The following BCL11B variants were observed in gnomAD, a reference collection of about 807,000 sequenced individuals.
BCL11B encodes the protein BCL11 transcription factor B.
In BCL11B, 8 loss-of-function variants were observed where a neutral mutation model predicts 49.9. The ratio of observed to expected loss-of-function variants is 0.16; its 90% CI spans 0.09 to 0.29. The LOEUF (loss-of-function observed/expected upper bound fraction) is 0.29. BCL11B is among the 10% of genes least tolerant of loss of function. BCL11B has a pLI of 1.00. For synonymous variants in BCL11B, 739 were observed against 637.4 expected, an observed-to-expected ratio of 1.16 and a Z score of -2.40; for missense variants, 1,006 against 1,351.0, an observed-to-expected ratio of 0.74 and a Z score of 4.00.
At position 99,205,718 on chromosome 14, in the gene BCL11B, C is replaced by T. The variant is rs1595244711; in HGVS notation, c.640+25627G>A. ...AGAGTACGTGGTAAGGAGCAGAATT[C>T]CCAGAAAGTTCTGTTCCCACATTTT... On this transcript the variant is annotated intron_variant, in intron 3 of 3. Transcript: ENST00000357195. This position sits in a 1 kb window ranked among gnomAD's most constrained non-coding sequence, Gnocchi z 5.0. Among the ~76,000 whole-genome samples, 1 of 152,240 alleles carries T rather than the reference C, an allele frequency of 6.6e-6. No individual in the cohort carries two copies. Among genetic ancestry groups the T allele is most frequent in the East Asian group, 1.9e-4 (1 of 5,178 alleles).
intron 3 of BCL11B, among the ~76,000 whole-genome samples, chr14:99,201,060 A>AC (rs964511125): frequency 3.3e-5 from 5 of 151,866 alleles, no homozygotes; most frequent in African/African-American, 1.2e-4. Context: ...GACACACAGC[A>AC]CCCCCCACCA....
rs1416553945 is a variant in BCL11B at position 99,199,679 on chromosome 14, T to TGCGCGC, written c.641-23485_641-23484insGCGCGC. 8.7e-3 allele frequency among the ~76,000 whole-genome samples: 611 copies of TGCGCGC among 69,834 alleles called. 3 individuals carry two copies. The highest frequency in any genetic ancestry group is 0.015 in the Non-Finnish European group (402 of 27,020). 45.8% of individuals were successfully genotyped at this position (69,834 alleles called of 152,430 possible). A position where few individuals can be genotyped will look rare whatever the true frequency, so the allele number is the denominator to read the frequency against. On this transcript the variant is annotated intron_variant, in intron 3 of 3. Coordinates refer to ENST00000357195, the MANE Select transcript of BCL11B (RefSeq NM_138576.4). ...GTGTGTGTGTGTGTGTGTGTGTGTG[T>TGCGCGC]GTGTGCGCGCGCGCGCGCACGTGCA...
chr14:99,197,852 C>T (rs868191074), intron 3 of BCL11B, among the ~76,000 whole-genome samples: 16 of 152,142 alleles, frequency 1.1e-4, no homozygotes, highest in Admixed American at 3.3e-4. Flanking sequence ...ACCCCCAGCC[C>T]CAGAAGAGGA....
intron 2 of BCL11B, among the ~76,000 whole-genome samples, chr14:99,251,088 C>T (rs1442307722): frequency 6.6e-6 from 1 of 152,166 alleles, no homozygotes; most frequent in Non-Finnish European, 1.5e-5. Context: ...TGGGACTCCA[C>T]CAGGGGAGAT....
At position 99,175,115 on chromosome 14, in the gene BCL11B, G is replaced by A. The variant is rs1272283481; in HGVS notation, c.1721C>T (p.Pro574Leu). ...RNRENGGGGV[P>L]GVPGAGGGAA... ...GCCGCCCCCCGCGCCCGGGACCCCGGGCACCCCACCACCGCCGTTCTCGCG... is the reference window on the plus strand; with the variant it reads ...GCCGCCCCCCGCGCCCGGGACCCCGAGCACCCCACCACCGCCGTTCTCGCG... Residue 574 changes from proline (P) to leucine (L), a missense_variant, in exon 4 of 4, where the codon CCC becomes CTC. By Grantham distance (98) the Pro-to-Leu change is moderately conservative. Transcript: ENST00000357195. 4.4e-6 allele frequency: 7 copies of A among 1,593,032 alleles called. No individual in the cohort carries two copies. Among genetic ancestry groups the A allele is most frequent in the Non-Finnish European group, 6.0e-6 (7 of 1,171,850 alleles).
At chr14:99,190,275 T>C (rs1041964660) in intron 3 of BCL11B, among the ~76,000 whole-genome samples, 11 of 152,178 alleles carry the variant, frequency 7.2e-5, no homozygotes, top group African/African-American at 2.6e-4. Flanking sequence ...GATCACGAGG[T>C]CAGGAGATCA....
intron 1 of BCL11B, among the ~76,000 whole-genome samples, chr14:99,266,886 T>C (rs1889499212): frequency 6.6e-6 from 1 of 152,220 alleles, no homozygotes; most frequent in African/African-American, 2.4e-5. Context: ...GAAAAGGGGA[T>C]AAGTGAAGGC....
At position 99,174,092 on chromosome 14, in the gene BCL11B, C is replaced by T; in HGVS notation, c.*59G>A. ...GTGACACGGAGGCAAGTCAGGTCAG[C>T]ATTCTCTCGGTTGGCAACGGTTCCA... is the stretch of plus-strand genomic sequence containing the variant. On this transcript the variant is annotated 3_prime_UTR_variant, in exon 4 of 4. Coordinates refer to ENST00000357195, the MANE Select transcript of BCL11B (RefSeq NM_138576.4). 6.5e-7 allele frequency: 1 copy of T among 1,549,124 alleles called. No homozygotes were observed. Among genetic ancestry groups the T allele is most frequent in the South Asian group, 1.1e-5 (1 of 87,660 alleles).
At chr14:99,199,436 C>G (rs1887276890) in intron 3 of BCL11B, among the ~76,000 whole-genome samples, 1 of 152,194 alleles carries the variant, frequency 6.6e-6, no homozygotes. Context: ...TGTCAATATT[C>G]TCAATGGCTG....
intron 3 of BCL11B, among the ~76,000 whole-genome samples, chr14:99,185,203 A>C (rs1281069575): frequency 6.6e-6 from 1 of 152,116 alleles, no homozygotes; most frequent in East Asian, 1.9e-4. Flanking sequence ...TTAGTAGGCC[A>C]AGGTGGGCGG....
chr14:99,206,590 C>T (rs893914866), intron 3 of BCL11B, among the ~76,000 whole-genome samples: 4 of 152,170 alleles, frequency 2.6e-5, no homozygotes, highest in East Asian at 1.9e-4. Context: ...CCTTGGGCAT[C>T]GGAGCAACTG....
rs2139742124 is a variant in BCL11B, at chr14:99,170,357, T to A, written c.*3794A>T. The A allele has an allele frequency of 4.5e-6, 1 of 223,590 alleles. No individual in the cohort carries two copies. The highest frequency in any genetic ancestry group is 6.6e-5 in the East Asian group (1 of 15,266). 13.9% of individuals were successfully genotyped at this position (223,590 alleles called of 1,614,324 possible). The stretch of plus-strand genomic sequence containing the variant: ...GGTAAGGAATTGCCCAAAAGGATGC[T>A]TGGTTATACTTTCATAACCTGAAAT... On this transcript the variant is annotated 3_prime_UTR_variant, in exon 4 of 4. Transcript: ENST00000357195.
intron 2 of BCL11B, among the ~76,000 whole-genome samples, chr14:99,256,163 A>G (rs1278722374): frequency 6.6e-6 from 1 of 152,114 alleles, no homozygotes; most frequent in Admixed American, 6.5e-5. Flanking sequence ...ATGCCCATCC[A>G]TCTCACCCTC....
intron 2 of BCL11B, among the ~76,000 whole-genome samples, chr14:99,235,220 G>C (rs1034926752): frequency 6.6e-6 from 1 of 152,228 alleles, no homozygotes; most frequent in African/African-American, 2.4e-5. Context: ...GAGCTGGAGA[G>C]AGGTGGTCTG....
chr14:99,270,558 G>A (rs981219237), intron 1 of BCL11B, among the ~76,000 whole-genome samples: 39 of 152,014 alleles, frequency 2.6e-4, no homozygotes, highest in Non-Finnish European at 5.2e-4. Context: ...GAGGAGGGGA[G>A]AGAAAGGCGG....
rs1566791811 is a variant in BCL11B, at chr14:99,173,575, ATT to A, written c.*574_*575del. 1 of 172,988 alleles carries A rather than the reference ATT, an allele frequency of 5.8e-6. No individual in the cohort carries two copies. The highest frequency in any genetic ancestry group is 2.7e-5 in the African/African-American group (1 of 37,680). The allele number at this position is 172,988 out of a possible 1,614,324, so 10.7% of individuals were successfully genotyped here. On this transcript the variant is annotated 3_prime_UTR_variant, in exon 4 of 4. Coordinates refer to ENST00000357195, the MANE Select transcript of BCL11B (RefSeq NM_138576.4). The stretch of plus-strand genomic sequence containing the variant: ...AAACCAAAAAAAAAATTAAAAAATA[ATT>A]AAAAAAAAAACTGCATGCCACTTTT...
In BCL11B at chr14:99,262,559, C is replaced by T. The variant is rs1414116908; in HGVS notation, c.59-4720G>A. Among the ~76,000 whole-genome samples, 6 of 152,204 alleles carry T rather than the reference C, an allele frequency of 3.9e-5. No homozygotes were observed. Among genetic ancestry groups the T allele is most frequent in the African/African-American group, 1.2e-4 (5 of 41,440 alleles). ...GTGCCACCAACGTCACAACCGCCATCATGATGTGTACGCATGTTTACAAGA... is the reference window on the plus strand; with the variant it reads ...GTGCCACCAACGTCACAACCGCCATTATGATGTGTACGCATGTTTACAAGA... On this transcript the variant is annotated intron_variant, in intron 1 of 3. Coordinates refer to ENST00000357195, the MANE Select transcript of BCL11B (RefSeq NM_138576.4). The surrounding 1 kb of genome is among the most constrained non-coding windows in gnomAD (Gnocchi z 4.2).
rs566199772 is a variant in BCL11B at position 99,195,570 on chromosome 14, G to A, written c.641-19375C>T. On this transcript the variant is annotated intron_variant, in intron 3 of 3. Transcript: ENST00000357195. The surrounding 1 kb of genome is among the most constrained non-coding windows in gnomAD (Gnocchi z 4.7). ...ATCTTCGTGAACCCCCACAAGGCTC[G>A]TATGCCTTGGATTCCACATGGAGGA... is the stretch of plus-strand genomic sequence containing the variant. Among the ~76,000 whole-genome samples, 30 of 152,228 alleles carry A rather than the reference G, an allele frequency of 2.0e-4. No individual in the cohort carries two copies. Among genetic ancestry groups the A allele is most frequent in the African/African-American group, 6.3e-4 (26 of 41,530 alleles).
chr14:99,185,638 G>A (rs932605414), intron 3 of BCL11B, among the ~76,000 whole-genome samples: 1 of 152,020 alleles, frequency 6.6e-6, no homozygotes, highest in Non-Finnish European at 1.5e-5. Flanking sequence ...GGGGGAAATG[G>A]GAAATGCAAC....
Sources: gnomAD v4.1 joint callset for allele counts (sites outside exome capture counted in the v4.1 genomes callset) on GRCh38, gnomAD v4.1.1 for gene constraint, Gnocchi (gnomAD v3.1) non-coding constraint, MANE v1.5 for transcripts, NCBI Gene and HGNC (gene_info 2026-07-23, HGNC 2026-07-21) for gene names.